The following ARHGAP18 variants were observed in gnomAD, a reference collection of about 807,000 sequenced individuals.
ARHGAP18 encodes rho GTPase-activating protein 18.
ARHGAP18 carries 67 observed loss-of-function variants against 86.2 expected under a neutral mutation model. That is an observed-to-expected ratio of 0.78 (90% CI 0.64 to 0.95). ARHGAP18 has a LOEUF of 0.95. Ranked by LOEUF, ARHGAP18 falls within the 40% of genes least tolerant of loss-of-function variation. The pLI, the probability that ARHGAP18 is intolerant of heterozygous loss-of-function variation, is 0.00. For missense variants in ARHGAP18, 691 were observed against 780.4 expected (o/e 0.89, Z 1.37); for synonymous variants, 283 against 280.4 (o/e 1.01, Z -0.09).
chr6:129,594,146 A>G (rs1413959612), intron 12 of ARHGAP18, among the ~76,000 whole-genome samples: 1 of 152,142 alleles, frequency 6.6e-6, no homozygotes, highest in African/African-American at 2.4e-5. Context: ...AAGAATGTTT[A>G]TGATCTATAG....
intron 1 of ARHGAP18, among the ~76,000 whole-genome samples, chr6:129,643,297 C>T (rs537529486): frequency 3.5e-4 from 54 of 152,218 alleles, no homozygotes; most frequent in Middle Eastern, 6.8e-3. Context: ...GGGGACCCAA[C>T]AGGAGGTAAT....
intron 2 of ARHGAP18, among the ~76,000 whole-genome samples, chr6:129,641,100 C>CTCTA (rs1263497706): frequency 6.6e-6 from 1 of 152,148 alleles, no homozygotes; most frequent in Non-Finnish European, 1.5e-5. Flanking sequence ...TACTGTCCAA[C>CTCTA]TCTATATTTT....
At chr6:129,694,131 T>C (rs1227520552) in intron 1 of ARHGAP18, among the ~76,000 whole-genome samples, 1 of 152,206 alleles carries the variant, frequency 6.6e-6, no homozygotes, top group African/African-American at 2.4e-5. Flanking sequence ...GAGCTTTTAT[T>C]ACAAAAACAA....
In ARHGAP18 at chr6:129,580,152, C is replaced by T. The variant is rs201704062; in HGVS notation, c.1839-21G>A. On this transcript the variant is annotated intron_variant, in intron 13 of 14. Transcript: ENST00000368149. ...CCCCACTATGAGGGACAAAACAAAC[C>T]GATTAGTTGTATCATCAAACAGCTT... is the stretch of plus-strand genomic sequence containing the variant. 55 of 1,604,368 alleles carry T rather than the reference C, an allele frequency of 3.4e-5. No individual in the cohort carries two copies. In the East Asian group the frequency reaches 3.8e-4, roughly 11 times the overall value.
At chr6:129,625,839 T>G (rs1789434960) in intron 5 of ARHGAP18, among the ~76,000 whole-genome samples, 2 of 78,428 alleles carry the variant, frequency 2.6e-5, no homozygotes, top group East Asian at 3.2e-4. Context: ...ATTATACATT[T>G]ATATATTATA....
intron 1 of ARHGAP18, among the ~76,000 whole-genome samples, chr6:129,708,807 C>T (rs1174011885): frequency 6.6e-6 from 1 of 152,222 alleles, no homozygotes; most frequent in Non-Finnish European, 1.5e-5. Context: ...GATGAAAACA[C>T]TTCAAGATCT....
chr6:129,687,153 A>C (rs1409240836), intron 1 of ARHGAP18, among the ~76,000 whole-genome samples: 2 of 151,564 alleles, frequency 1.3e-5, no homozygotes, highest in Admixed American at 1.3e-4. Flanking sequence ...GCACAGTTTC[A>C]TCCCTTTGAG....
At chr6:129,621,537 A>T (rs994877763) in intron 5 of ARHGAP18, among the ~76,000 whole-genome samples, 3 of 152,156 alleles carry the variant, frequency 2.0e-5, no homozygotes, top group African/African-American at 7.2e-5. Flanking sequence ...TCCATCACTT[A>T]CTATGTGACC....
intron 1 of ARHGAP18, among the ~76,000 whole-genome samples, chr6:129,680,863 G>C (rs1774313313): frequency 6.6e-6 from 1 of 152,222 alleles, no homozygotes; most frequent in Admixed American, 6.5e-5. Flanking sequence ...AGGGCTCCAA[G>C]GAAAACAGTG....
In ARHGAP18 at chr6:129,634,093, T is replaced by C; in HGVS notation, c.565A>G (p.Thr189Ala). The C allele has an allele frequency of 6.2e-7, 1 of 1,613,586 alleles. No homozygotes were observed. ...TTTGTTCTAAGTGACTGCGATTCAGTGCCACCTGGAGCCTAAACATAGAAA... is the reference window on the plus strand; with the variant it reads ...TTTGTTCTAAGTGACTGCGATTCAGCGCCACCTGGAGCCTAAACATAGAAA... ...RESKETAPGGTESQSLRTNEN... is the reference protein window; with the variant it reads ...RESKETAPGGAESQSLRTNEN... The change falls in exon 4 of 15, where the codon ACT (threonine) becomes GCT (alanine). Residue 189 changes from threonine to alanine, a missense_variant. By Grantham distance (58) the Thr-to-Ala change is moderately conservative. Coordinates refer to ENST00000368149, the MANE Select transcript of ARHGAP18 (RefSeq NM_033515.3).
rs1240673849 is a variant in ARHGAP18, at chr6:129,576,356, G to C, written c.*2157C>G. 2 of 152,124 alleles carry C rather than the reference G, an allele frequency of 1.3e-5. No homozygotes were observed. Among genetic ancestry groups the C allele is most frequent in the African/African-American group, 4.8e-5 (2 of 41,414 alleles). 9.4% of individuals were successfully genotyped at this position (152,124 alleles called of 1,614,324 possible). On this transcript the variant is annotated 3_prime_UTR_variant, in exon 15 of 15. Transcript: ENST00000368149. Reference sequence around the variant, plus strand: ...TGCACCTGTGGTCCTAGCTACTCACGAGGCTGAGGCAGGAGGTTTGCTTGA... The same window carrying C: ...TGCACCTGTGGTCCTAGCTACTCACCAGGCTGAGGCAGGAGGTTTGCTTGA...
At position 129,625,145 on chromosome 6, in the gene ARHGAP18, TATATTATATAG is replaced by T. The variant is rs1475527041; in HGVS notation, c.786+4197_786+4207del. Among the ~76,000 whole-genome samples the T allele has an allele frequency of 7.1e-4, 11 of 15,498 alleles. 3 individuals carry two copies. Among genetic ancestry groups the T allele is most frequent in the South Asian group, 3.9e-3 (1 of 258 alleles). 10.2% of individuals were successfully genotyped at this position (15,498 alleles called of 152,430 possible). On this transcript the variant is annotated intron_variant, in intron 5 of 14. Coordinates refer to ENST00000368149, the MANE Select transcript of ARHGAP18 (RefSeq NM_033515.3). ...TATATATTATATATGATATATATTA[TATATTATATAG>T]ATATATATTATATATGATATATTAT...
At chr6:129,605,624 A>G (rs984570659) in intron 10 of ARHGAP18, among the ~76,000 whole-genome samples, 4 of 152,324 alleles carry the variant, frequency 2.6e-5, no homozygotes, top group African/African-American at 9.6e-5. Context: ...TTAACCGACG[A>G]ACCTCAATCG....
At chr6:129,595,128 A>G (rs1016608655) in intron 12 of ARHGAP18, among the ~76,000 whole-genome samples, 2 of 102,550 alleles carry the variant, frequency 2.0e-5, no homozygotes, top group South Asian at 2.5e-4. Flanking sequence ...TTAGACTACC[A>G]TAAATATTAC....
At chr6:129,634,304 G>A (rs1479933922) in intron 3 of ARHGAP18, among the ~76,000 whole-genome samples, 199 bp from the exon 4 acceptor site, 1 of 152,128 alleles carries the variant, frequency 6.6e-6, no homozygotes, top group East Asian at 1.9e-4. Flanking sequence ...ACTTGTAAGA[G>A]ACAATAGTAG....
intron 5 of ARHGAP18, among the ~76,000 whole-genome samples, chr6:129,628,602 A>C (rs1024669664): frequency 6.6e-6 from 1 of 152,202 alleles, no homozygotes; most frequent in African/African-American, 2.4e-5. Context: ...GATACCATGC[A>C]TCTCTTCTGA....
chr6:129,615,721 T>A (rs557060934), intron 7 of ARHGAP18, among the ~76,000 whole-genome samples: 3 of 152,198 alleles, frequency 2.0e-5, no homozygotes, highest in Non-Finnish European at 4.4e-5. Context: ...AATCCCCTTA[T>A]GAATAACTGA....
intron 1 of ARHGAP18, among the ~76,000 whole-genome samples, chr6:129,688,091 C>T (rs1015449904): frequency 6.6e-6 from 1 of 152,186 alleles, no homozygotes; most frequent in Non-Finnish European, 1.5e-5. Context: ...ATTCTTCAGT[C>T]AAGATTGACC....
chr6:129,584,944 T>C (rs1343192461), intron 12 of ARHGAP18, among the ~76,000 whole-genome samples: 1 of 152,124 alleles, frequency 6.6e-6, no homozygotes, highest in Non-Finnish European at 1.5e-5. Context: ...CCAGATATTG[T>C]ACTAGGTTTA....
Sources: gnomAD v4.1 joint callset for allele counts (sites outside exome capture counted in the v4.1 genomes callset) on GRCh38, gnomAD v4.1.1 for gene constraint, MANE v1.5 for transcripts, NCBI Gene and HGNC (gene_info 2026-07-23, HGNC 2026-07-21) for gene names.